FBXL7: variants seen among roughly 807,000 people sequenced by gnomAD.
The protein encoded by FBXL7 is F-box/LRR-repeat protein 7.
A neutral mutation model predicts 38.3 loss-of-function variants in FBXL7; 12 were observed. That is an observed-to-expected ratio of 0.31 (90% CI 0.20 to 0.51). The LOEUF (loss-of-function observed/expected upper bound fraction) is 0.51. Ranked by LOEUF, FBXL7 falls within the 20% of genes least tolerant of loss-of-function variation. The probability of loss-of-function intolerance (pLI) is 0.98; values close to 1 mark genes in which losing one functional copy is unlikely to be tolerated. For missense variants in FBXL7, 567 were observed against 676.4 expected (o/e 0.84, Z 1.79); for synonymous variants, 297 against 300.9 (o/e 0.99, Z 0.13).
At chr5:15,814,258 TGAG>T (rs1203058313) in intron 2 of FBXL7, among the ~76,000 whole-genome samples, 1 of 152,094 alleles carries the variant, frequency 6.6e-6, no homozygotes, top group Non-Finnish European at 1.5e-5. Flanking sequence ...TAAAAAAGGA[TGAG>T]TTCGTGTCCT....
At chr5:15,665,822 C>G (rs972715010) in intron 2 of FBXL7, among the ~76,000 whole-genome samples, 1 of 152,102 alleles carries the variant, frequency 6.6e-6, no homozygotes, top group African/African-American at 2.4e-5. Context: ...ATTGCTAAGC[C>G]ATTTGTTCCC....
chr5:15,789,099 C>G (rs1439376817), intron 2 of FBXL7, among the ~76,000 whole-genome samples: 2 of 152,132 alleles, frequency 1.3e-5, no homozygotes, highest in Non-Finnish European at 2.9e-5. Context: ...AACCACCCAC[C>G]TTGGCCTCCC....
chr5:15,604,113 G>A (rs1311785212), intron 1 of FBXL7, among the ~76,000 whole-genome samples: 1 of 152,116 alleles, frequency 6.6e-6, no homozygotes, highest in East Asian at 1.9e-4. Context: ...GTTGCAGTGA[G>A]GCGAGATCAT....
chr5:15,556,684 A>C (rs1036610786), intron 1 of FBXL7, among the ~76,000 whole-genome samples: 3 of 152,090 alleles, frequency 2.0e-5, no homozygotes, highest in African/African-American at 7.3e-5. Context: ...AATTCAATCA[A>C]TTTTTAGACT....
chr5:15,536,996 T>G (rs527588134), intron 1 of FBXL7, among the ~76,000 whole-genome samples: 3 of 152,300 alleles, frequency 2.0e-5, no homozygotes, highest in African/African-American at 7.2e-5. Context: ...TCTTGTGAGA[T>G]CTGATGGTTT....
At chr5:15,930,382 A>G (rs934939687) in intron 3 of FBXL7, among the ~76,000 whole-genome samples, 1 of 152,174 alleles carries the variant, frequency 6.6e-6, no homozygotes, top group Non-Finnish European at 1.5e-5. Context: ...TAAACATTTC[A>G]TTTTCTTTTC....
At chr5:15,573,680 T>C (rs1738865738) in intron 1 of FBXL7, among the ~76,000 whole-genome samples, 1 of 152,170 alleles carries the variant, frequency 6.6e-6, no homozygotes, top group Non-Finnish European at 1.5e-5. Flanking sequence ...ATAGTTTCTG[T>C]TGTTAGGGAA....
At chr5:15,739,848 G>C (rs995181196) in intron 2 of FBXL7, among the ~76,000 whole-genome samples, 2 of 152,098 alleles carry the variant, frequency 1.3e-5, no homozygotes, top group African/African-American at 4.8e-5. Flanking sequence ...TTGTGTACAA[G>C]TTTTTGTGTG....
intron 2 of FBXL7, among the ~76,000 whole-genome samples, chr5:15,854,320 G>A (rs1322249424): frequency 6.6e-6 from 1 of 152,110 alleles, no homozygotes; most frequent in Non-Finnish European, 1.5e-5. Context: ...CAGCCTAAAG[G>A]TGAAAAAAAA....
At chr5:15,716,489 C>T (rs1744047546) in intron 2 of FBXL7, among the ~76,000 whole-genome samples, 1 of 152,186 alleles carries the variant, frequency 6.6e-6, no homozygotes, top group Non-Finnish European at 1.5e-5. Flanking sequence ...CCTTGGTCCT[C>T]CTGGCCTATT....
chr5:15,540,769 G>C (rs1737716770), intron 1 of FBXL7, among the ~76,000 whole-genome samples: 1 of 152,092 alleles, frequency 6.6e-6, no homozygotes, highest in African/African-American at 2.4e-5. Context: ...TTTTCTCCTT[G>C]TATCTGCACG....
intron 2 of FBXL7, among the ~76,000 whole-genome samples, chr5:15,884,513 G>A (rs537398928): frequency 1.3e-5 from 2 of 152,152 alleles, no homozygotes; most frequent in South Asian, 2.1e-4. Context: ...CAAATTTAAC[G>A]AGAATTACTT....
At chr5:15,603,404 A>G (rs559870536) in intron 1 of FBXL7, among the ~76,000 whole-genome samples, 1 of 152,172 alleles carries the variant, frequency 6.6e-6, no homozygotes, top group Non-Finnish European at 1.5e-5. Flanking sequence ...TACTTCTATG[A>G]GTCTATCTTG....
chr5:15,710,295 A>G (rs1448124835), intron 2 of FBXL7, among the ~76,000 whole-genome samples: 1 of 151,906 alleles, frequency 6.6e-6, no homozygotes, highest in Admixed American at 6.6e-5. Flanking sequence ...CCTCTTGCAC[A>G]CTCTGCTCCT....
intron 2 of FBXL7, among the ~76,000 whole-genome samples, chr5:15,825,391 A>C (rs1738284233): frequency 6.6e-6 from 1 of 152,134 alleles, no homozygotes; most frequent in Non-Finnish European, 1.5e-5. Context: ...GAAAAAAAAA[A>C]CTTTATATGG....
intron 1 of FBXL7, among the ~76,000 whole-genome samples, chr5:15,538,825 T>G (rs1320611919): frequency 6.6e-6 from 1 of 152,094 alleles, no homozygotes; most frequent in Non-Finnish European, 1.5e-5. Context: ...GTGGGAGAAA[T>G]CAGTTTGTTT....
At chr5:15,615,925 G>A (rs1429924582) in intron 1 of FBXL7, 58 bp from the exon 2 acceptor site, 1 of 1,140,040 alleles carries the variant, frequency 8.8e-7, no homozygotes, top group Non-Finnish European at 1.3e-6. Context: ...CGAGTGGAAG[G>A]CATGGTCCAG....
rs144673596 is a variant in FBXL7 at position 15,816,666 on chromosome 5, A to G, written c.128-111224A>G. On this transcript the variant is annotated intron_variant, in intron 2 of 3. Transcript: ENST00000504595. Reference sequence around the variant, plus strand: ...GAAATAAAAAAATTAACTGGTGGAAATAAATAATTAAAATATCTTATGTTC... The same window carrying G: ...GAAATAAAAAAATTAACTGGTGGAAGTAAATAATTAAAATATCTTATGTTC... Among the ~76,000 whole-genome samples the G allele has an allele frequency of 5.3e-3, 810 of 152,346 alleles. 7 individuals are homozygous for G. Among genetic ancestry groups the G allele is most frequent in the African/African-American group, 0.018 (769 of 41,586 alleles).
intron 2 of FBXL7, among the ~76,000 whole-genome samples, chr5:15,809,522 T>A (rs146837826): frequency 0.021 from 3,180 of 152,308 alleles, 91 homozygotes; most frequent in Admixed American, 0.095. Flanking sequence ...CTGAGCCTAA[T>A]ATAGAGTGGA....
Sources: allele counts gnomAD v4.1 joint callset (sites outside exome capture counted in the v4.1 genomes callset), GRCh38; gene constraint gnomAD v4.1.1; transcripts MANE v1.5; gene names NCBI Gene and HGNC (gene_info 2026-07-23, HGNC 2026-07-21).